Variants in KIFC2 observed in about 807,000 individuals in gnomAD.
KIFC2 encodes the protein kinesin family member C2.
KIFC2 carries 94 observed loss-of-function variants against 91.5 expected under a neutral mutation model. That is an observed-to-expected ratio of 1.03 (90% CI 0.87 to 1.22). The LOEUF (loss-of-function observed/expected upper bound fraction) is 1.22. Ranked by LOEUF, KIFC2 falls within the 50% of genes most tolerant of loss-of-function variation. KIFC2 has a pLI of 0.00. For synonymous variants in KIFC2, 729 were observed against 503.9 expected, an observed-to-expected ratio of 1.45 and a Z score of -5.98; for missense variants, 1,357 against 1,103.3, an observed-to-expected ratio of 1.23 and a Z score of -3.26.
intron 11 of KIFC2, 36 bp from the exon 12 acceptor site, chr8:144,469,454 C>T (rs766883497): frequency 1.6e-5 from 26 of 1,613,516 alleles, no homozygotes; most frequent in Non-Finnish European, 1.9e-5. Context: ...GCTTTAGGGT[C>T]TGCGAGGCAT....
At chr8:144,467,147 C>G (rs773399867) in intron 3 of KIFC2, 37 bp downstream of exon 3, 1 of 1,611,954 alleles carries the variant, frequency 6.2e-7, no homozygotes, top group Non-Finnish European at 8.5e-7. Context: ...CAGGTACCAC[C>G]TGCCCCGGCC....
intron 12 of KIFC2, among the ~76,000 whole-genome samples, chr8:144,471,436 G>A (rs183483270): frequency 2.0e-5 from 3 of 151,518 alleles, no homozygotes; most frequent in East Asian, 1.9e-4. Context: ...TCAGCCTCCC[G>A]AGTAGCTGGG....
rs754213178 is a variant in KIFC2, at chr8:144,467,122, G to A, written c.330+12G>A. 3 of 1,607,812 alleles carry A rather than the reference G, an allele frequency of 1.9e-6. No homozygotes were observed. The highest frequency in any genetic ancestry group is 1.7e-5 in the Admixed American group (1 of 59,474). ...CGGACCTGGGCCAGGTGAGCGCGGC[G>A]GAGGGGGCTGCTGGCAGGTACCACC... On this transcript the variant is annotated intron_variant, in intron 3 of 17. Transcript: ENST00000645548.
intron 7 of KIFC2, 77 bp from the exon 8 acceptor site, chr8:144,468,252 A>C: frequency 7.4e-7 from 1 of 1,349,882 alleles, no homozygotes; most frequent in Non-Finnish European, 1.0e-6. Context: ...CCACCTCTTG[A>C]CTTGACTTTC....
intron 14 of KIFC2, 43 bp downstream of exon 14, chr8:144,472,302 C>T (rs1201047045): frequency 6.2e-7 from 1 of 1,613,452 alleles, no homozygotes; most frequent in Admixed American, 1.7e-5. Flanking sequence ...ACCCCTGGCC[C>T]AGGGCCCTTC....
intron 10 of KIFC2, 138 bp downstream of exon 10, chr8:144,468,972 G>A: frequency 2.9e-6 from 2 of 690,162 alleles, no homozygotes; most frequent in Admixed American, 2.8e-5. Context: ...GACCCAGGGT[G>A]GGATTCCACT....
chr8:144,470,287 C>T (rs977543954), intron 12 of KIFC2, among the ~76,000 whole-genome samples: 3 of 152,242 alleles, frequency 2.0e-5, no homozygotes, highest in East Asian at 1.9e-4. Context: ...CCAACCACTT[C>T]TTCCTTCATC....
chr8:144,468,835 G>A lies in KIFC2; in HGVS notation c.1113+1G>A, dbSNP rs1564748069. The A allele has an allele frequency of 6.2e-7, 1 of 1,611,926 alleles. No homozygotes were observed. Among genetic ancestry groups the A allele is most frequent in the Non-Finnish European group, 8.5e-7 (1 of 1,178,334 alleles). ...TTCGCTGAGTGAGGCCCGGGGCCAGGTCAGGACCCCTCCCCGCCTAGCCCC... is the reference window on the plus strand; with the variant it reads ...TTCGCTGAGTGAGGCCCGGGGCCAGATCAGGACCCCTCCCCGCCTAGCCCC... On this transcript the variant is annotated splice_donor_variant, in intron 10 of 17. Transcript: ENST00000645548. LOFTEE classifies it high-confidence loss of function.
chr8:144,466,655 T>C, intron 1 of KIFC2, 105 bp from the exon 2 acceptor site: 2 of 1,060,678 alleles, frequency 1.9e-6, no homozygotes. Flanking sequence ...GCCCCGATGC[T>C]GGAAGCGTAG....
chr8:144,472,969 A>T lies in KIFC2; in HGVS notation c.2036A>T (p.His679Leu). ...VMAALRAHRPHVPFRDSQLTR... is the reference protein window; with the variant it reads ...VMAALRAHRPLVPFRDSQLTR... ...GCCGCACTGCGGGCCCACCGGCCGC[A>T]CGTGCCCTTCCGCGACTCGCAGCTC... The change falls in exon 17 of 18, where the codon CAC becomes CTC. Residue 679 changes from histidine (H) to leucine (L), a missense_variant. Physicochemically the swap from His to Leu is moderately conservative, Grantham distance 99 (BLOSUM62 -3). Transcript: ENST00000645548. The T allele has an allele frequency of 6.8e-7, 1 of 1,460,750 alleles. No homozygotes were observed. The highest frequency in any genetic ancestry group is 9.0e-7 in the Non-Finnish European group (1 of 1,114,172). 90.5% of individuals were successfully genotyped at this position (1,460,750 alleles called of 1,614,324 possible).
At position 144,472,490 on chromosome 8, in the gene KIFC2, G is replaced by T; in HGVS notation, c.1731+6G>T. On this transcript the variant is annotated splice_donor_region_variant and intron_variant, in intron 15 of 17. Coordinates refer to ENST00000645548, the MANE Select transcript of KIFC2 (RefSeq NM_001369769.2). ...ACCTGGAGACATTGCACCAGGTAGG[G>T]CTGCACCGCTCTCCGAGACCCCGCC... 6.2e-7 allele frequency: 1 copy of T among 1,611,580 alleles called. No individual in the cohort carries two copies. The highest frequency in any genetic ancestry group is 8.5e-7 in the Non-Finnish European group (1 of 1,179,266).
At chr8:144,469,693 C>G in intron 12 of KIFC2, 46 bp downstream of exon 12, 1 of 1,534,772 alleles carries the variant, frequency 6.5e-7, no homozygotes, top group East Asian at 2.3e-5. Flanking sequence ...TTCAGAGTTC[C>G]CTGAAGAGCA....
In KIFC2 at chr8:144,471,977, C is replaced by T. The variant is rs150100287; in HGVS notation, c.1416C>T (p.Cys472=). ...AGCTGGAACCTGCGGTGCTGTCCTG[C>T]CTCCGAGGCTACAGCGTCTGCATCT... ...FRELEPAVLS[C]LRGYSVCIFT... is the part of the protein sequence containing the mutation. Residue 472 remains cysteine, a synonymous_variant, in exon 13 of 18, where the codon TGC becomes TGT. Transcript: ENST00000645548. 112 of 1,613,456 alleles carry T rather than the reference C, an allele frequency of 6.9e-5. No individual in the cohort carries two copies. The African/African-American group carries it at 1.2e-3, about 18-fold the overall frequency.
At chr8:144,466,913 A>C (rs2250895) in intron 2 of KIFC2, 46 bp from the exon 3 acceptor site, 1,546,549 of 1,566,178 alleles carry the variant, frequency 0.99, 765,148 homozygotes, top group Non-Finnish European at 1. Context: ...GGCCTGGCTC[A>C]AGCACGTGAC....
At position 144,473,332 on chromosome 8, in the gene KIFC2, C is replaced by T. The variant is rs1223382232; in HGVS notation, c.2319C>T (p.Pro773=). 10 of 1,599,406 alleles carry T rather than the reference C, an allele frequency of 6.3e-6. No homozygotes were observed. Among genetic ancestry groups the T allele is most frequent in the African/African-American group, 2.7e-5 (2 of 74,614 alleles). The change falls in exon 18 of 18, where the codon CCC becomes CCT. Residue 773 remains proline, a synonymous_variant. Transcript: ENST00000645548. ...PTPSPGSPPC[P]SPDNGSGSAL... is the part of the protein sequence containing the mutation. ...CGTCCCCTGGCAGTCCTCCATGCCCCAGTCCCGACAACGGCTCGGGCTCGG... is the reference window on the plus strand; with the variant it reads ...CGTCCCCTGGCAGTCCTCCATGCCCTAGTCCCGACAACGGCTCGGGCTCGG...
chr8:144,471,355 G>A lies in KIFC2; in HGVS notation c.1381-587G>A, dbSNP rs117253779. Among the ~76,000 whole-genome samples, 613 of 149,696 alleles carry A rather than the reference G, an allele frequency of 4.1e-3. 3 individuals are homozygous for A. Among genetic ancestry groups the A allele is most frequent in the Middle Eastern group, 0.018 (5 of 284 alleles). The stretch of plus-strand genomic sequence containing the variant: ...TTTGGACAGTCACACTTTGTCATCA[G>A]GCTGGAGTGCAGTGGTGCAATCTCA... On this transcript the variant is annotated intron_variant, in intron 12 of 17. Transcript: ENST00000645548.
In KIFC2 at chr8:144,466,387, G is replaced by T; in HGVS notation, c.-33G>T. The T allele has an allele frequency of 1.0e-6, 1 of 1,003,662 alleles. No individual in the cohort carries two copies. 62.2% of individuals were successfully genotyped at this position (1,003,662 alleles called of 1,614,324 possible). ...TCTGGGCGCGGGGACGCGGGGCGGCGCGAAGCGGGGCCCTCTGCCGCCCCG... is the reference window on the plus strand; with the variant it reads ...TCTGGGCGCGGGGACGCGGGGCGGCTCGAAGCGGGGCCCTCTGCCGCCCCG... On this transcript the variant is annotated 5_prime_UTR_variant, in exon 1 of 18. Coordinates refer to ENST00000645548, the MANE Select transcript of KIFC2 (RefSeq NM_001369769.2).
In KIFC2 at chr8:144,472,201, G is replaced by A; in HGVS notation, c.1549G>A (p.Ala517Thr). 6.2e-7 allele frequency: 1 copy of A among 1,613,380 alleles called. No homozygotes were observed. Among genetic ancestry groups the A allele is most frequent in the Non-Finnish European group, 8.5e-7 (1 of 1,180,022 alleles). Residue 517 changes from alanine to threonine, a missense_variant, in exon 14 of 18, where the codon GCC (alanine) becomes ACC (threonine). By Grantham distance (58) the Ala-to-Thr change is moderately conservative (BLOSUM62 0). Transcript: ENST00000645548. ...GCAGTCGCTGTTCCGGGAGATGGGG[G>A]CCGGCCGGCAGCACCGGGTGACACT... is the stretch of plus-strand genomic sequence containing the variant. Reference protein sequence around the residue: ...ALQSLFREMGAGRQHRVTLSM... With the variant: ...ALQSLFREMGTGRQHRVTLSM...
rs1299649281 is a variant in KIFC2 at position 144,474,079 on chromosome 8, C to T, written c.*690C>T. The T allele has an allele frequency of 1.6e-6, 1 of 624,778 alleles. No homozygotes were observed. The highest frequency in any genetic ancestry group is 1.8e-5 in the African/African-American group (1 of 54,230). The allele number at this position is 624,778 out of a possible 1,614,324, so 38.7% of individuals were successfully genotyped here. A position where few individuals can be genotyped will look rare whatever the true frequency, so the allele number is the denominator to read the frequency against. The stretch of plus-strand genomic sequence containing the variant: ...GGGTTGTGCCCAGCTGGGCCACGGC[C>T]ATGCGTGGGGTGGCCCAATAAACAC... On this transcript the variant is annotated 3_prime_UTR_variant, in exon 18 of 18. Coordinates refer to ENST00000645548, the MANE Select transcript of KIFC2 (RefSeq NM_001369769.2).
Sources: gnomAD v4.1 joint callset for allele counts (sites outside exome capture counted in the v4.1 genomes callset) on GRCh38, gnomAD v4.1.1 for gene constraint, MANE v1.5 for transcripts, NCBI Gene and HGNC (gene_info 2026-07-23, HGNC 2026-07-21) for gene names.